FER: variants seen among roughly 807,000 people sequenced by gnomAD.
FER encodes tyrosine-protein kinase Fer.
FER carries 63 observed loss-of-function variants against 111.0 expected under a neutral mutation model. The ratio of observed to expected loss-of-function variants is 0.57; its 90% CI spans 0.46 to 0.70. The LOEUF is 0.70. FER is among the 30% of genes least tolerant of loss of function. The pLI, the probability that FER is intolerant of heterozygous loss-of-function variation, is 0.00. For missense variants in FER, 914 were observed against 954.0 expected, an observed-to-expected ratio of 0.96 and a Z score of 0.55; for synonymous variants, 327 against 313.9, an observed-to-expected ratio of 1.04 and a Z score of -0.44.
intron 5 of FER, among the ~76,000 whole-genome samples, chr5:108,852,989 C>T (rs996364327): frequency 6.6e-6 from 1 of 151,952 alleles, no homozygotes; most frequent in Admixed American, 6.6e-5. Flanking sequence ...GATAAGTAAA[C>T]AAAGCTAAGT....
chr5:108,912,347 G>A, intron 10 of FER, among the ~76,000 whole-genome samples: 1 of 151,974 alleles, frequency 6.6e-6, no homozygotes, highest in Non-Finnish European at 1.5e-5. Context: ...ACCTTGTCTG[G>A]CTCCTACCAT....
intron 17 of FER, among the ~76,000 whole-genome samples, chr5:109,114,789 A>G (rs1341264557): frequency 6.6e-6 from 1 of 152,070 alleles, no homozygotes; most frequent in Non-Finnish European, 1.5e-5. Flanking sequence ...CAGCATATCT[A>G]TCTTTAATTT....
At chr5:109,177,243 T>G (rs1757801599) in intron 17 of FER, among the ~76,000 whole-genome samples, 1 of 152,164 alleles carries the variant, frequency 6.6e-6, no homozygotes, top group Non-Finnish European at 1.5e-5. Flanking sequence ...TATCAGAATA[T>G]AGTAGAGCAA....
chr5:109,085,705 T>G (rs927086416), intron 16 of FER, among the ~76,000 whole-genome samples: 1 of 151,754 alleles, frequency 6.6e-6, no homozygotes, highest in African/African-American at 2.4e-5. Context: ...GTGTTCCTTT[T>G]AGGACCTAGG....
intron 10 of FER, among the ~76,000 whole-genome samples, chr5:108,944,123 A>ACG (rs1413577869): frequency 2.0e-5 from 3 of 151,894 alleles, no homozygotes; most frequent in Non-Finnish European, 4.4e-5. Flanking sequence ...ACACACACAC[A>ACG]CACACACACA....
intron 18 of FER, among the ~76,000 whole-genome samples, chr5:109,183,725 A>G (rs1171120352): frequency 1.3e-5 from 2 of 152,122 alleles, no homozygotes; most frequent in Non-Finnish European, 2.9e-5. Flanking sequence ...TGATCATGCC[A>G]CTACATGCCA....
chr5:108,955,027 A>G, intron 12 of FER, 95 bp downstream of exon 12: 1 of 1,065,164 alleles, frequency 9.4e-7, no homozygotes, highest in Non-Finnish European at 1.3e-6. Context: ...AAATGCCTGC[A>G]ACACTTGAAA....
At chr5:108,892,277 C>T (rs1748224258) in intron 9 of FER, among the ~76,000 whole-genome samples, 1 of 152,200 alleles carries the variant, frequency 6.6e-6, no homozygotes, top group African/African-American at 2.4e-5. Flanking sequence ...TTTACCGTCC[C>T]ACCAACAGTG....
At chr5:109,035,448 C>G (rs1001421747) in intron 13 of FER, among the ~76,000 whole-genome samples, 2 of 152,172 alleles carry the variant, frequency 1.3e-5, no homozygotes, top group Admixed American at 6.5e-5. Flanking sequence ...TTTGCAAGTG[C>G]TCTGTTGTAT....
At chr5:109,111,216 A>G (rs1749578412) in intron 17 of FER, among the ~76,000 whole-genome samples, 1 of 152,172 alleles carries the variant, frequency 6.6e-6, no homozygotes, top group African/African-American at 2.4e-5. Context: ...CTCTGGTTTT[A>G]TGACTTGTAA....
intron 10 of FER, among the ~76,000 whole-genome samples, chr5:108,941,405 GA>G (rs1756251996): frequency 6.6e-6 from 1 of 152,116 alleles, no homozygotes; most frequent in Non-Finnish European, 1.5e-5. Context: ...ACCAAAAAGT[GA>G]GAAATTTGAC....
At chr5:109,143,178 C>T (rs1753706736) in intron 17 of FER, among the ~76,000 whole-genome samples, 2 of 152,114 alleles carry the variant, frequency 1.3e-5, no homozygotes, top group Admixed American at 6.6e-5. Context: ...TCAGAGTCAG[C>T]ATTTGCAGCA....
intron 2 of FER, among the ~76,000 whole-genome samples, chr5:108,795,530 G>T (rs1755921319): frequency 6.6e-6 from 1 of 151,430 alleles, no homozygotes; most frequent in Non-Finnish European, 1.5e-5. Context: ...TCGTAGGCAT[G>T]GTTTATTCTC....
chr5:109,165,634 GTGTGTA>G (rs972144066), intron 17 of FER, among the ~76,000 whole-genome samples: 2 of 95,400 alleles, frequency 2.1e-5, no homozygotes, highest in African/African-American at 7.6e-5. Context: ...GTGTGTGTGT[GTGTGTA>G]TACACACATA....
intron 5 of FER, chr5:108,841,760 G>A (rs1761292789): frequency 3.1e-6 from 1 of 326,374 alleles, no homozygotes; most frequent in African/African-American, 2.2e-5. Flanking sequence ...AGAGCCAAGT[G>A]GGAGGTCTTT....
intron 9 of FER, among the ~76,000 whole-genome samples, chr5:108,885,745 T>C (rs1309315055): frequency 1.3e-5 from 2 of 151,790 alleles, no homozygotes; most frequent in Non-Finnish European, 2.9e-5. Flanking sequence ...TTTCAACATC[T>C]GAATTTTGGC....
At chr5:109,154,726 T>G (rs1019064365) in intron 17 of FER, among the ~76,000 whole-genome samples, 9 of 151,906 alleles carry the variant, frequency 5.9e-5, no homozygotes, top group Admixed American at 5.3e-4. Flanking sequence ...ACCACAAATT[T>G]TATTCAACCT....
At chr5:108,961,070 A>G (rs1436830983) in intron 13 of FER, among the ~76,000 whole-genome samples, 1 of 151,242 alleles carries the variant, frequency 6.6e-6, no homozygotes, top group Non-Finnish European at 1.5e-5. Context: ...CCTAGGCAGC[A>G]GAGTGAGACC....
At chr5:109,160,443 TGTCA>T (rs1053568991) in intron 17 of FER, among the ~76,000 whole-genome samples, 6 of 152,178 alleles carry the variant, frequency 3.9e-5, no homozygotes, top group Non-Finnish European at 7.4e-5. Context: ...CAAATGGTGT[TGTCA>T]GTGTTTCATA....
Sources: allele counts gnomAD v4.1 joint callset (sites outside exome capture counted in the v4.1 genomes callset), GRCh38; gene constraint gnomAD v4.1.1; transcripts MANE v1.5; gene names NCBI Gene and HGNC (gene_info 2026-07-23, HGNC 2026-07-21).